The following ST7 variants were observed in gnomAD, a reference collection of about 807,000 sequenced individuals.
ST7 encodes the protein suppressor of tumorigenicity 7 protein.
ST7 carries 28 observed loss-of-function variants against 78.7 expected under a neutral mutation model. That is an observed-to-expected ratio of 0.36 (90% confidence interval 0.26 to 0.49). The LOEUF is 0.49. ST7 is among the 20% of genes least tolerant of loss of function. The pLI is 0.99. For missense variants in ST7, 418 were observed against 696.0 expected (o/e 0.60, Z 4.49); for synonymous variants, 247 against 249.6 (o/e 0.99, Z 0.10).
chr7:117,195,434 G>A (rs1465086838), intron 12 of ST7, among the ~76,000 whole-genome samples: 1 of 152,134 alleles, frequency 6.6e-6, no homozygotes, highest in East Asian at 1.9e-4. Context: ...TAGGTGTACA[G>A]TACAATCTTG....
intron 1 of ST7, among the ~76,000 whole-genome samples, chr7:116,965,041 A>G (rs1190596167): frequency 6.6e-6 from 1 of 152,234 alleles, no homozygotes; most frequent in African/African-American, 2.4e-5. Context: ...TTTAGGCTAT[A>G]GAAATATTCC....
intron 1 of ST7, among the ~76,000 whole-genome samples, chr7:117,038,124 G>A (rs1276356399): frequency 1.3e-5 from 2 of 152,108 alleles, no homozygotes; most frequent in African/African-American, 4.8e-5. Flanking sequence ...CCAAGCTAAT[G>A]GCAAAAACTC....
intron 1 of ST7, among the ~76,000 whole-genome samples, chr7:117,015,431 T>C (rs1033380438): frequency 4.6e-5 from 7 of 152,348 alleles, no homozygotes; most frequent in Admixed American, 4.6e-4. Context: ...ATTGCTCTTT[T>C]AGATGGTGTT....
intron 13 of ST7, among the ~76,000 whole-genome samples, chr7:117,218,306 G>A (rs941437278): frequency 7.9e-5 from 12 of 152,254 alleles, no homozygotes; most frequent in African/African-American, 2.9e-4. Context: ...CGTGAGTACT[G>A]TTCATAGGAA....
Position 117,229,851 on chromosome 7 carries a change from G to A in ST7, c.1728G>A (p.Arg576=), listed in dbSNP as rs1477352215. The change falls in exon 16 of 16, where the codon CGG becomes CGA. Residue 576 remains arginine (R), a synonymous_variant. Coordinates refer to ENST00000323984, the MANE Select transcript of ST7 (RefSeq NM_001369598.1). The part of the protein sequence containing the change: ...LPSSLWHQLT[R]I The stretch of plus-strand genomic sequence containing the variant: ...CCAGTCTGTGGCACCAGCTAACACG[G>A]ATCTGAGAGAAGCCCTGTCCTCCAC... 18 of 1,613,938 alleles carry A rather than the reference G, an allele frequency of 1.1e-5. No homozygotes were observed. The highest frequency in any genetic ancestry group is 1.5e-5 in the Non-Finnish European group (18 of 1,179,870).
At chr7:117,188,332 A>C (rs1478001501) in intron 10 of ST7, among the ~76,000 whole-genome samples, 1 of 152,226 alleles carries the variant, frequency 6.6e-6, no homozygotes, top group Non-Finnish European at 1.5e-5. Flanking sequence ...AGGGGCAAAG[A>C]GTTCCTCTAA....
chr7:117,006,138 T>C (rs1262429935), intron 1 of ST7, among the ~76,000 whole-genome samples: 1 of 152,238 alleles, frequency 6.6e-6, no homozygotes, highest in Non-Finnish European at 1.5e-5. Context: ...TGATACCTTT[T>C]TCATGGTTGA....
At chr7:117,145,365 T>C (rs575621524) in intron 9 of ST7, 1 of 152,264 alleles carries the variant, frequency 6.6e-6, no homozygotes, top group African/African-American at 2.4e-5. Context: ...CCAAACTAGA[T>C]AGTTTAAACA....
At chr7:117,167,766 A>G (rs1226459539) in intron 9 of ST7, among the ~76,000 whole-genome samples, 3 of 152,172 alleles carry the variant, frequency 2.0e-5, no homozygotes, top group Admixed American at 6.5e-5. Flanking sequence ...AAACCAGAAG[A>G]GAATGCTGTT....
At chr7:117,107,927 T>C (rs1339829367) in intron 2 of ST7, among the ~76,000 whole-genome samples, 4 of 152,046 alleles carry the variant, frequency 2.6e-5, no homozygotes, top group Admixed American at 6.6e-5. Flanking sequence ...TAGCCCACTT[T>C]TTGAAGGGAT....
chr7:117,223,977 T>A, intron 15 of ST7: 1 of 972,684 alleles, frequency 1.0e-6, no homozygotes. Flanking sequence ...TTTTTTTCTC[T>A]TCTTGTATAC....
At chr7:116,972,572 C>A in intron 1 of ST7, 1 of 1,410,422 alleles carries the variant, frequency 7.1e-7, no homozygotes, top group African/African-American at 1.4e-5. Context: ...TGCTTAGCTT[C>A]TTTGAGTTGA....
At chr7:117,158,078 T>G (rs929654221) in intron 9 of ST7, among the ~76,000 whole-genome samples, 2 of 152,100 alleles carry the variant, frequency 1.3e-5, no homozygotes, top group Non-Finnish European at 2.9e-5. Flanking sequence ...GTACAGAAAT[T>G]TCCTCCCTAA....
chr7:117,052,367 T>G (rs756169505), intron 1 of ST7, among the ~76,000 whole-genome samples: 4 of 152,192 alleles, frequency 2.6e-5, no homozygotes, highest in Non-Finnish European at 5.9e-5. Flanking sequence ...TGATTTTTTT[T>G]TCTCTATGCA....
chr7:117,157,782 G>C (rs373746189), intron 9 of ST7, among the ~76,000 whole-genome samples: 2 of 152,098 alleles, frequency 1.3e-5, no homozygotes, highest in African/African-American at 4.8e-5. Context: ...CATCACAGAG[G>C]GGGAGGAATG....
intron 7 of ST7, among the ~76,000 whole-genome samples, chr7:117,135,771 A>C (rs1377438013): frequency 6.6e-6 from 1 of 152,106 alleles, no homozygotes. Flanking sequence ...CACTGTGAAC[A>C]AAGATTCCAT....
intron 2 of ST7, among the ~76,000 whole-genome samples, chr7:117,109,310 C>T (rs1323012922): frequency 6.6e-6 from 1 of 150,468 alleles, no homozygotes; most frequent in East Asian, 1.9e-4. Context: ...AATTGATAGA[C>T]CATTGGTGAG....
At chr7:117,080,649 T>C (rs893449878) in intron 1 of ST7, among the ~76,000 whole-genome samples, 1 of 152,208 alleles carries the variant, frequency 6.6e-6, no homozygotes, top group African/African-American at 2.4e-5. Flanking sequence ...TGTATGAACT[T>C]ATGGGATTGA....
intron 10 of ST7, among the ~76,000 whole-genome samples, chr7:117,185,794 A>G (rs38879): frequency 0.28 from 42,171 of 151,986 alleles, 7,118 homozygotes; most frequent in African/African-American, 0.48. Flanking sequence ...ATGGTGGCGC[A>G]TGCCTGTAAT....
Sources: gnomAD v4.1 joint callset for allele counts (sites outside exome capture counted in the v4.1 genomes callset) on GRCh38, gnomAD v4.1.1 for gene constraint, MANE v1.5 for transcripts, NCBI Gene and HGNC (gene_info 2026-07-23, HGNC 2026-07-21) for gene names.